PRKCB: variants seen among roughly 807,000 people sequenced by gnomAD.
PRKCB encodes the protein protein kinase C beta type.
A neutral mutation model predicts 81.5 loss-of-function variants in PRKCB; 13 were observed. The observed-to-expected ratio is 0.16, with a 90% CI of 0.10 to 0.25. The LOEUF (loss-of-function observed/expected upper bound fraction) is 0.25, where lower values mean the gene tolerates loss of function less well. Ranked by LOEUF, PRKCB falls within the 10% of genes least tolerant of loss-of-function variation. The probability of loss-of-function intolerance (pLI) is 1.00; values close to 1 mark genes in which losing one functional copy is unlikely to be tolerated. For missense variants in PRKCB, 509 were observed against 875.7 expected (o/e 0.58, Z 5.29); for synonymous variants, 335 against 321.4 (o/e 1.04, Z -0.45).
At chr16:24,142,511 T>G (rs576775977) in intron 9 of PRKCB, among the ~76,000 whole-genome samples, 2 of 152,320 alleles carry the variant, frequency 1.3e-5, no homozygotes, top group Admixed American at 6.5e-5. Flanking sequence ...CCAGCTTTTC[T>G]CTCTGTCCTC....
chr16:24,031,445 G>A (rs751800798), intron 3 of PRKCB, among the ~76,000 whole-genome samples: 1 of 152,152 alleles, frequency 6.6e-6, no homozygotes, highest in Non-Finnish European at 1.5e-5. Flanking sequence ...CATTTGAAGG[G>A]AATGGCCCTG....
intron 2 of PRKCB, among the ~76,000 whole-genome samples, chr16:23,880,372 G>T (rs1268782652): frequency 6.6e-6 from 1 of 152,126 alleles, no homozygotes; most frequent in Non-Finnish European, 1.5e-5. Context: ...ATTGCTTCCT[G>T]CCTCCTTCTC....
chr16:24,093,652 C>T (rs1966404202), intron 6 of PRKCB, among the ~76,000 whole-genome samples: 1 of 152,158 alleles, frequency 6.6e-6, no homozygotes, highest in Admixed American at 6.5e-5. Flanking sequence ...TTTTTAGCCA[C>T]CAGCTAGAAG....
In PRKCB at chr16:24,041,867, C is replaced by T. The variant is rs147990350; in HGVS notation, c.529+6320C>T. Among the ~76,000 whole-genome samples the T allele has an allele frequency of 6.0e-3, 910 of 151,762 alleles. 6 individuals carry two copies. The highest frequency in any genetic ancestry group is 0.021 in the African/African-American group (857 of 41,394). The stretch of plus-strand genomic sequence containing the variant: ...GGTGTGGTGGTGGATGCCTGTAATC[C>T]CAGCTACTCAGGAGGCTGAGACAGG... On this transcript the variant is annotated intron_variant, in intron 5 of 16. Coordinates refer to ENST00000643927, the MANE Select transcript of PRKCB (RefSeq NM_002738.7).
chr16:24,054,677 G>A (rs1170805315), intron 5 of PRKCB, among the ~76,000 whole-genome samples: 1 of 152,158 alleles, frequency 6.6e-6, no homozygotes, highest in African/African-American at 2.4e-5. Flanking sequence ...GGAGGAAAAG[G>A]TTCTTTTCTG....
intron 2 of PRKCB, among the ~76,000 whole-genome samples, chr16:23,885,201 G>C (rs1298769920): frequency 6.6e-6 from 1 of 152,076 alleles, no homozygotes; most frequent in Non-Finnish European, 1.5e-5. Context: ...ATTTCTTTAG[G>C]AGTGAAATTC....
chr16:23,923,860 A>T (rs1963861466), intron 2 of PRKCB, among the ~76,000 whole-genome samples: 1 of 152,106 alleles, frequency 6.6e-6, no homozygotes, highest in South Asian at 2.1e-4. Flanking sequence ...GAAGTAACCT[A>T]CCCAATAGAA....
chr16:23,837,525 C>T, intron 2 of PRKCB, 119 bp downstream of exon 2: 1 of 1,283,862 alleles, frequency 7.8e-7, no homozygotes, highest in South Asian at 1.4e-5. Flanking sequence ...AGTGACCTCC[C>T]AGGCTAGGAA....
At chr16:23,995,284 C>T (rs1193906426) in intron 3 of PRKCB, among the ~76,000 whole-genome samples, 1 of 152,084 alleles carries the variant, frequency 6.6e-6, no homozygotes, top group Non-Finnish European at 1.5e-5. Flanking sequence ...TTCAGTAGGG[C>T]CCAGAACAGT....
intron 16 of PRKCB, among the ~76,000 whole-genome samples, chr16:24,204,435 T>C (rs1036217022): frequency 1.3e-5 from 2 of 152,174 alleles, no homozygotes; most frequent in African/African-American, 4.8e-5. Flanking sequence ...CTGTTAACTC[T>C]TAAAATTATC....
chr16:23,976,688 G>A (rs1964632083), intron 2 of PRKCB, among the ~76,000 whole-genome samples: 1 of 152,232 alleles, frequency 6.6e-6, no homozygotes, highest in Admixed American at 6.5e-5. Context: ...GCTGGTGAGT[G>A]AAGAGATATT....
intron 2 of PRKCB, among the ~76,000 whole-genome samples, chr16:23,943,754 C>G (rs1207751507): frequency 6.6e-6 from 1 of 152,108 alleles, no homozygotes; most frequent in East Asian, 1.9e-4. Context: ...TGCGAACCTC[C>G]TAGGCAGATA....
chr16:24,140,877 G>A (rs1177451050), intron 9 of PRKCB, among the ~76,000 whole-genome samples: 5 of 152,112 alleles, frequency 3.3e-5, no homozygotes, highest in South Asian at 4.2e-4. Context: ...AGTTTAGTTT[G>A]GGGGAAGGGC....
intron 7 of PRKCB, among the ~76,000 whole-genome samples, chr16:24,108,425 C>A (rs1406447013): frequency 2.1e-5 from 3 of 142,994 alleles, no homozygotes; most frequent in African/African-American, 7.8e-5. Context: ...GGTCATAGGA[C>A]AATAGTGGAG....
intron 5 of PRKCB, among the ~76,000 whole-genome samples, chr16:24,041,582 A>G (rs1965698804): frequency 6.6e-6 from 1 of 151,638 alleles, no homozygotes; most frequent in South Asian, 2.1e-4. Flanking sequence ...TTACCATTAT[A>G]TTGTGTTATA....
At chr16:24,098,895 G>C (rs978053382) in intron 7 of PRKCB, 1 of 152,126 alleles carries the variant, frequency 6.6e-6, no homozygotes, top group Non-Finnish European at 1.5e-5. Context: ...AAGTTCACAC[G>C]GTCATCTTTT....
chr16:24,185,311 C>A, intron 14 of PRKCB, 120 bp downstream of exon 14: 1 of 1,218,008 alleles, frequency 8.2e-7, no homozygotes, highest in Non-Finnish European at 1.2e-6. Context: ...ACTTTCCCGG[C>A]CTTGGGGTCA....
intron 3 of PRKCB, among the ~76,000 whole-genome samples, chr16:24,003,275 C>T (rs1965064463): frequency 6.6e-6 from 1 of 152,100 alleles, no homozygotes; most frequent in South Asian, 2.1e-4. Flanking sequence ...TCTGCTTTGT[C>T]TTGCCTCATT....
At chr16:23,987,198 C>A (rs966914612) in intron 2 of PRKCB, among the ~76,000 whole-genome samples, 5 of 152,138 alleles carry the variant, frequency 3.3e-5, no homozygotes, top group African/African-American at 1.2e-4. Context: ...ACCTGTGTAA[C>A]AAACCTGAAT....
Sources: gnomAD v4.1 joint callset for allele counts (sites outside exome capture counted in the v4.1 genomes callset) on GRCh38, gnomAD v4.1.1 for gene constraint, MANE v1.5 for transcripts, NCBI Gene and HGNC (gene_info 2026-07-23, HGNC 2026-07-21) for gene names.